The following ELL variants were observed in gnomAD, a reference collection of about 807,000 sequenced individuals.
The protein encoded by ELL is RNA polymerase II elongation factor ELL.
ELL carries 18 observed loss-of-function variants against 64.0 expected under a neutral mutation model. The observed-to-expected ratio is 0.28, with a 90% confidence interval of 0.19 to 0.42. ELL has a LOEUF of 0.42. Ranked by LOEUF, ELL falls within the 10% of genes least tolerant of loss-of-function variation. The pLI is 1.00. For missense variants in ELL, 797 were observed against 870.4 expected (o/e 0.92, Z 1.06); for synonymous variants, 399 against 376.2 (o/e 1.06, Z -0.70).
chr19:18,458,055 A>G (rs1292066553), intron 6 of ELL, 150 bp downstream of exon 6: 2 of 1,399,240 alleles, frequency 1.4e-6, no homozygotes, highest in Non-Finnish European at 1.9e-6. Flanking sequence ...AGTAGGGAGG[A>G]TGGCCAGAGA....
rs1457480137 is a variant in ELL at position 18,509,591 on chromosome 19, GCGCACATACACACACACACACACACA to G, written c.135+12304_135+12329del. Among the ~76,000 whole-genome samples, 825 of 121,790 alleles carry G rather than the reference GCGCACATACACACACACACACACACA, an allele frequency of 6.8e-3. 25 individuals carry two copies. Among genetic ancestry groups the G allele is most frequent in the African/African-American group, 0.012 (306 of 26,568 alleles). 79.9% of individuals were successfully genotyped at this position (121,790 alleles called of 152,430 possible). A position where few individuals can be genotyped will look rare whatever the true frequency, so the allele number is the denominator to read the frequency against. Reference sequence around the variant, plus strand: ...CACAGGCCAATGCACGTGCGCGCGCGCGCACATACACACACACACACACACACACACACACACACACACACACACAC... The same window carrying G: ...CACAGGCCAATGCACGTGCGCGCGCGCACACACACACACACACACACACAC... On this transcript the variant is annotated intron_variant, in intron 1 of 11. Transcript: ENST00000262809.
At position 18,462,851 on chromosome 19, in the gene ELL, C is replaced by T. The variant is rs1974856295; in HGVS notation, c.470-999G>A. Among the ~76,000 whole-genome samples the T allele has an allele frequency of 2.0e-5, 3 of 152,208 alleles. No individual in the cohort carries two copies. In the South Asian group the frequency reaches 6.2e-4, roughly 31 times the overall value. ...ATGTCGGAGCCACTTTCAGCAGCTG[C>T]TCTGAAGACCCTGAGGTGCAAGTGG... On this transcript the variant is annotated intron_variant, in intron 4 of 11. Transcript: ENST00000262809.
At chr19:18,473,509 C>T (rs994228124) in intron 1 of ELL, among the ~76,000 whole-genome samples, 20 of 152,244 alleles carry the variant, frequency 1.3e-4, no homozygotes, top group African/African-American at 4.6e-4. Context: ...ACAGCTCCAC[C>T]ACACGGCCTT....
chr19:18,475,745 G>A (rs919088008), intron 1 of ELL: 2 of 152,258 alleles, frequency 1.3e-5, no homozygotes, highest in African/African-American at 4.8e-5. Context: ...CCGACCAGCA[G>A]GTGTCCAGGG....
At chr19:18,502,489 C>T (rs1023701824) in intron 1 of ELL, among the ~76,000 whole-genome samples, 5 of 152,184 alleles carry the variant, frequency 3.3e-5, no homozygotes, top group African/African-American at 1.2e-4. Context: ...GCGGGCACCC[C>T]CACCACCAGG....
At chr19:18,463,903 G>A (rs1199964816) in intron 4 of ELL, among the ~76,000 whole-genome samples, 2 of 150,816 alleles carry the variant, frequency 1.3e-5, no homozygotes, top group Non-Finnish European at 3.0e-5. Flanking sequence ...GGAGAATGGC[G>A]TGAACCCGGG....
chr19:18,451,502 G>C (rs768330065), intron 7 of ELL, 50 bp downstream of exon 7: 30 of 1,385,312 alleles, frequency 2.2e-5, no homozygotes, highest in Non-Finnish European at 2.8e-5. Flanking sequence ...ATGCAGCACA[G>C]AGTGCCCTGC....
chr19:18,478,046 G>A (rs1303948945), intron 1 of ELL, among the ~76,000 whole-genome samples: 1 of 152,098 alleles, frequency 6.6e-6, no homozygotes, highest in Non-Finnish European at 1.5e-5. Context: ...GGTGAGTGTC[G>A]GCTGCAGACA....
intron 1 of ELL, among the ~76,000 whole-genome samples, chr19:18,491,902 T>C (rs1169133631): frequency 6.6e-6 from 1 of 152,110 alleles, no homozygotes. Flanking sequence ...AAAAAATAAA[T>C]AAAATAAAGA....
At position 18,521,345 on chromosome 19, in the gene ELL, C is replaced by T. The variant is rs373146226; in HGVS notation, c.135+576G>A. On this transcript the variant is annotated intron_variant, in intron 1 of 11. Coordinates refer to ENST00000262809, the MANE Select transcript of ELL (RefSeq NM_006532.4). ...AGTGGCCCAACCTGAGTGGCTTCATCGGAACGCGTCAAAGCCAGCCCCCAG... is the reference window on the plus strand; with the variant it reads ...AGTGGCCCAACCTGAGTGGCTTCATTGGAACGCGTCAAAGCCAGCCCCCAG... Among the ~76,000 whole-genome samples the T allele has an allele frequency of 1.3e-3, 200 of 152,266 alleles. 2 individuals carry two copies. Among genetic ancestry groups the T allele is most frequent in the South Asian group, 8.5e-3 (41 of 4,828 alleles).
At chr19:18,473,283 C>G (rs1975103097) in intron 1 of ELL, 4 of 488,506 alleles carry the variant, frequency 8.2e-6, no homozygotes. Flanking sequence ...AAAGACAGGT[C>G]AGGGTTGACC....
At chr19:18,458,568 C>T (rs1303610197) in intron 5 of ELL, among the ~76,000 whole-genome samples, 2 of 152,156 alleles carry the variant, frequency 1.3e-5, no homozygotes, top group Non-Finnish European at 2.9e-5. Flanking sequence ...CAGGTCCAGA[C>T]TCAACTGTCT....
At chr19:18,445,501 G>T (rs1035648125) in intron 10 of ELL, 3 of 496,364 alleles carry the variant, frequency 6.0e-6, no homozygotes, top group Non-Finnish European at 1.1e-5. Flanking sequence ...CACTGCTGTT[G>T]TGGGGGCGTG....
At chr19:18,454,371 C>T (rs941600209) in intron 6 of ELL, among the ~76,000 whole-genome samples, 17 of 151,960 alleles carry the variant, frequency 1.1e-4, no homozygotes, top group African/African-American at 1.7e-4. Context: ...TGGTGGCGGG[C>T]GCCTGTAGTC....
intron 1 of ELL, chr19:18,475,816 G>A (rs893104060): frequency 2.0e-5 from 3 of 152,176 alleles, no homozygotes; most frequent in African/African-American, 4.8e-5. Context: ...AAACTCACAA[G>A]ATGGGACGTT....
chr19:18,445,449 G>A (rs1469140170), intron 10 of ELL, 181 bp from the exon 11 acceptor site: 5 of 602,180 alleles, frequency 8.3e-6, no homozygotes, highest in Non-Finnish European at 1.5e-5. Context: ...TGGGGCATGA[G>A]GGAAAGGCTG....
chr19:18,479,601 C>T (rs1600469997), intron 1 of ELL, among the ~76,000 whole-genome samples: 4 of 148,666 alleles, frequency 2.7e-5, no homozygotes, highest in Non-Finnish European at 5.9e-5. Flanking sequence ...CCTAGCTACT[C>T]GGGAGCCTGA....
chr19:18,520,208 C>G (rs1050612210), intron 1 of ELL, among the ~76,000 whole-genome samples: 9 of 152,192 alleles, frequency 5.9e-5, no homozygotes, highest in African/African-American at 2.2e-4. Context: ...GTTCCTAAAG[C>G]ACAGAAGACA....
Position 18,450,974 on chromosome 19 carries a change from T to C in ELL, c.968A>G (p.Lys323Arg). The change falls in exon 8 of 12, where the codon AAG becomes AGG. Residue 323 changes from lysine to arginine, a missense_variant and splice_region_variant. Lys to Arg is a conservative substitution (Grantham distance 26, BLOSUM62 2). Transcript: ENST00000262809. ...GATGAAATCAGGAGGCTGCAGCCGC[T>C]TCTGGAGAGGAGCAGAGATCATTTT... ...ERGRSASPPQ[K>R]RLQPPDFIDP... 6.6e-7 allele frequency: 1 copy of C among 1,520,958 alleles called. No homozygotes were observed. Among genetic ancestry groups the C allele is most frequent in the African/African-American group, 1.4e-5 (1 of 71,848 alleles). The allele number at this position is 1,520,958 out of a possible 1,614,324, so 94.2% of individuals were successfully genotyped here.
Sources: gnomAD v4.1 joint callset for allele counts (sites outside exome capture counted in the v4.1 genomes callset) on GRCh38, gnomAD v4.1.1 for gene constraint, MANE v1.5 for transcripts, NCBI Gene and HGNC (gene_info 2026-07-23, HGNC 2026-07-21) for gene names.